Variants in BPI observed in about 807,000 individuals in gnomAD.
BPI encodes bactericidal permeability increasing protein.
BPI carries 48 observed loss-of-function variants against 57.6 expected under a neutral mutation model. The observed-to-expected ratio is 0.83, with a 90% confidence interval of 0.66 to 1.06. The LOEUF (loss-of-function observed/expected upper bound fraction) is 1.06. BPI is among the 50% of genes least tolerant of loss of function. The pLI is 0.00. For synonymous variants in BPI, 237 were observed against 238.2 expected, an observed-to-expected ratio of 0.99 and a Z score of 0.05; for missense variants, 651 against 609.7, an observed-to-expected ratio of 1.07 and a Z score of -0.71.
At chr20:38,333,998 C>T (rs1174004268) in intron 12 of BPI, among the ~76,000 whole-genome samples, 2 of 151,442 alleles carry the variant, frequency 1.3e-5, no homozygotes, top group Non-Finnish European at 2.9e-5. Flanking sequence ...CATGAACCAC[C>T]AAGCCCAACC....
chr20:38,312,012 G>A (rs2076624500), intron 5 of BPI, 75 bp downstream of exon 5: 4 of 1,446,404 alleles, frequency 2.8e-6, no homozygotes, highest in South Asian at 2.3e-5. Context: ...CCCCTTCTAC[G>A]GACACTCTGC....
In BPI at chr20:38,311,859, C is replaced by T. The variant is rs1568809854; in HGVS notation, c.537-15C>T. ...TCAAAAAGCCTCATCTATGTCCCTA[C>T]TTGTTCATCTCTAGGTGGCTGATCC... is the stretch of plus-strand genomic sequence containing the variant. On this transcript the variant is annotated splice_polypyrimidine_tract_variant and intron_variant, in intron 4 of 14. Transcript: ENST00000642449. The T allele has an allele frequency of 6.2e-7, 1 of 1,613,594 alleles. No individual in the cohort carries two copies. Among genetic ancestry groups the T allele is most frequent in the South Asian group, 1.1e-5 (1 of 91,048 alleles).
chr20:38,318,402 GT>G lies in BPI; in HGVS notation c.601-9del. The G allele has an allele frequency of 6.2e-7, 1 of 1,611,284 alleles. No individual in the cohort carries two copies. The highest frequency in any genetic ancestry group is 1.1e-5 in the South Asian group (1 of 91,008). ...GAAGACCTTACTGATTACTTGTTTGGTTCTCCCCAGGTCTGCGAGAAAGTGA... is the reference window on the plus strand; with the variant it reads ...GAAGACCTTACTGATTACTTGTTTGGTCTCCCCAGGTCTGCGAGAAAGTGA... On this transcript the variant is annotated splice_polypyrimidine_tract_variant and intron_variant, in intron 5 of 14. Coordinates refer to ENST00000642449, the MANE Select transcript of BPI (RefSeq NM_001725.3).
chr20:38,313,140 T>G (rs1462211151), intron 5 of BPI, among the ~76,000 whole-genome samples: 3 of 152,072 alleles, frequency 2.0e-5, no homozygotes, highest in Non-Finnish European at 4.4e-5. Flanking sequence ...ATCCCAGCAC[T>G]TTGGGAGGCC....
Position 38,326,447 on chromosome 20 carries a change from G to T in BPI, c.1161+15G>T. 1 of 1,608,980 alleles carries T rather than the reference G, an allele frequency of 6.2e-7. No homozygotes were observed. The highest frequency in any genetic ancestry group is 8.5e-7 in the Non-Finnish European group (1 of 1,177,464). On this transcript the variant is annotated intron_variant, in intron 10 of 14. Transcript: ENST00000642449. Reference sequence around the variant, plus strand: ...TGATTGGCATGGTAAGCAGTTCCTGGGTTGGACAGATGAGGAGCCCCAGAC... The same window carrying T: ...TGATTGGCATGGTAAGCAGTTCCTGTGTTGGACAGATGAGGAGCCCCAGAC...
intron 9 of BPI, 51 bp from the exon 10 acceptor site, chr20:38,326,214 A>T: frequency 1.3e-6 from 2 of 1,565,072 alleles, no homozygotes; most frequent in Non-Finnish European, 1.7e-6. Context: ...ATTCAGAAAC[A>T]TTTTAACAGA....
chr20:38,313,695 T>C (rs1568810705), intron 5 of BPI, among the ~76,000 whole-genome samples: 1 of 152,176 alleles, frequency 6.6e-6, no homozygotes, highest in African/African-American at 2.4e-5. Context: ...AGGTTGATGA[T>C]GGTAATGGTA....
At chr20:38,304,813 T>G (rs2076589503) in intron 1 of BPI, among the ~76,000 whole-genome samples, 1 of 152,200 alleles carries the variant, frequency 6.6e-6, no homozygotes, top group African/African-American at 2.4e-5. Flanking sequence ...AGTGCTCCAC[T>G]GGGTGACACA....
Position 38,326,389 on chromosome 20 carries a change from T to A in BPI, c.1118T>A (p.Val373Asp). The change falls in exon 10 of 15, where the codon GTC becomes GAC. Residue 373 changes from valine (V) to aspartate (D), a missense_variant. Transcript: ENST00000642449. The stretch of plus-strand genomic sequence containing the variant: ...GCCGTGGATGTCCAGGCCTTTGCCG[T>A]CCTCCCCAACTCCTCCCTGGCTTCC... ...YPAVDVQAFA[V>D]LPNSSLASLF... 1 of 1,614,088 alleles carries A rather than the reference T, an allele frequency of 6.2e-7. No homozygotes were observed.
At chr20:38,329,263 GC>G (rs969468684) in intron 11 of BPI, among the ~76,000 whole-genome samples, 2 of 152,010 alleles carry the variant, frequency 1.3e-5, no homozygotes, top group Non-Finnish European at 2.9e-5. Context: ...AGATGTGATG[GC>G]CCCCCGCAGT....
chr20:38,336,096 C>T (rs1457182085), intron 14 of BPI, among the ~76,000 whole-genome samples: 1 of 152,190 alleles, frequency 6.6e-6, no homozygotes, highest in African/African-American at 2.4e-5. Flanking sequence ...CAGAAGTCTC[C>T]TTCGTGGCTT....
chr20:38,324,978 C>T (rs2076705163), intron 9 of BPI, 145 bp downstream of exon 9: 3 of 686,382 alleles, frequency 4.4e-6, no homozygotes, highest in Non-Finnish European at 7.6e-6. Flanking sequence ...GAAATAGCTT[C>T]ATCCACAGAA....
At chr20:38,311,526 T>A (rs920779753) in intron 4 of BPI, among the ~76,000 whole-genome samples, 5 of 151,228 alleles carry the variant, frequency 3.3e-5, no homozygotes, top group Non-Finnish European at 5.9e-5. Context: ...GGGAGGGGGG[T>A]GTTTTAAGCA....
chr20:38,306,927 A>G (rs2076599385), intron 1 of BPI, among the ~76,000 whole-genome samples: 1 of 152,180 alleles, frequency 6.6e-6, no homozygotes. Flanking sequence ...TCATGCCTGT[A>G]ACTCCAGCAC....
intron 1 of BPI, 125 bp downstream of exon 1, chr20:38,304,478 C>T: frequency 3.8e-6 from 5 of 1,323,742 alleles, no homozygotes; most frequent in Non-Finnish European, 5.1e-6. Context: ...GTCCCCTTGC[C>T]CCCATTTTAT....
chr20:38,305,147 G>A (rs535498933), intron 1 of BPI, among the ~76,000 whole-genome samples: 2 of 152,230 alleles, frequency 1.3e-5, no homozygotes, highest in East Asian at 1.9e-4. Context: ...TCACCAGTTG[G>A]GGTGCGTTGG....
At position 38,324,052 on chromosome 20, in the gene BPI, G is replaced by A. The variant is rs5743514; in HGVS notation, c.933+6G>A. 2,498 of 1,613,236 alleles carry A rather than the reference G, an allele frequency of 1.5e-3. 3 individuals are homozygous for A. The highest frequency in any genetic ancestry group is 1.9e-3 in the Non-Finnish European group (2,228 of 1,179,874). ...TGACCCTTAGAGATGACATGGTAAG[G>A]CCGGGCTCTGGGTGGGTGTGGGAAG... On this transcript the variant is annotated splice_donor_region_variant and intron_variant, in intron 8 of 14. Transcript: ENST00000642449.
intron 5 of BPI, among the ~76,000 whole-genome samples, chr20:38,315,395 T>C (rs2076647382): frequency 6.6e-6 from 1 of 152,100 alleles, no homozygotes; most frequent in Non-Finnish European, 1.5e-5. Flanking sequence ...GAATACAGCA[T>C]GTAGGGCTGG....
intron 11 of BPI, 131 bp from the exon 12 acceptor site, chr20:38,330,917 T>C (rs1292671249): frequency 2.9e-6 from 3 of 1,031,300 alleles, no homozygotes; most frequent in Admixed American, 4.1e-5. Flanking sequence ...CTGTGACCCG[T>C]GGAAGGGGAG....
Sources: allele counts gnomAD v4.1 joint callset (sites outside exome capture counted in the v4.1 genomes callset), GRCh38; gene constraint gnomAD v4.1.1; transcripts MANE v1.5; gene names NCBI Gene and HGNC (gene_info 2026-07-23, HGNC 2026-07-21).